The following SMARCA5 variants were observed in gnomAD, a reference collection of about 807,000 sequenced individuals.
SMARCA5 encodes SWI/SNF-related matrix-associated actin-dependent regulator of chromatin subfamily A member 5.
SMARCA5 carries 18 observed loss-of-function variants against 140.4 expected under a neutral mutation model. The observed-to-expected ratio is 0.13, with a 90% CI of 0.09 to 0.19. The LOEUF (loss-of-function observed/expected upper bound fraction) is 0.19. Among genes scored for constraint, SMARCA5 ranks in the 10% least tolerant of loss-of-function variants. The probability of loss-of-function intolerance (pLI) is 1.00; values close to 1 mark genes in which losing one functional copy is unlikely to be tolerated. For missense variants in SMARCA5, 606 were observed against 1,276.8 expected (o/e 0.47, Z 8.01); for synonymous variants, 449 against 419.6 (o/e 1.07, Z -0.86).
chr4:143,547,060 TC>T (rs1737539148), intron 20 of SMARCA5, 152 bp downstream of exon 20: 1 of 801,906 alleles, frequency 1.2e-6, no homozygotes, highest in Non-Finnish European at 1.8e-6. Context: ...ATGTTCTGTT[TC>T]CAGAAATGGC....
chr4:143,524,626 G>T (rs549931574), intron 4 of SMARCA5, among the ~76,000 whole-genome samples, 159 bp downstream of exon 4: 2 of 152,282 alleles, frequency 1.3e-5, no homozygotes, highest in South Asian at 2.1e-4. Context: ...ATGGAGATGA[G>T]AGCATATTAC....
chr4:143,554,805 A>G lies in SMARCA5; in HGVS notation c.*1621A>G, dbSNP rs891215023. ...AAAAATGTAAGGCTGAAGAAAACTT[A>G]CGGAGGTCACAAAAGTGATGTTTTC... is the stretch of plus-strand genomic sequence containing the variant. On this transcript the variant is annotated 3_prime_UTR_variant, in exon 24 of 24. Transcript: ENST00000283131. The G allele has an allele frequency of 5.4e-6, 1 of 186,642 alleles. No homozygotes were observed. The highest frequency in any genetic ancestry group is 2.4e-5 in the African/African-American group (1 of 41,952). The allele number at this position is 186,642 out of a possible 1,614,324, so 11.6% of individuals were successfully genotyped here.
At chr4:143,532,285 A>G (rs973315443) in intron 9 of SMARCA5, among the ~76,000 whole-genome samples, 15 of 152,180 alleles carry the variant, frequency 9.9e-5, no homozygotes, top group African/African-American at 3.4e-4. Context: ...TGTGGAGTGT[A>G]TATGTAATCT....
rs1737684973 is a variant in SMARCA5 at position 143,553,443 on chromosome 4, A to T, written c.*259A>T. 3.0e-6 allele frequency: 1 copy of T among 328,660 alleles called. No homozygotes were observed. The highest frequency in any genetic ancestry group is 2.1e-5 in the African/African-American group (1 of 47,184). 20.4% of individuals were successfully genotyped at this position (328,660 alleles called of 1,614,324 possible). A position where few individuals can be genotyped will look rare whatever the true frequency, so the allele number is the denominator to read the frequency against. ...AGTGTTTCATTTGATTTATTTTTCT[A>T]TTGTAGTTCCATTTGTGAAGATTGT... is the stretch of plus-strand genomic sequence containing the variant. On this transcript the variant is annotated 3_prime_UTR_variant, in exon 24 of 24. Coordinates refer to ENST00000283131, the MANE Select transcript of SMARCA5 (RefSeq NM_003601.4).
At chr4:143,516,394 A>G (rs931543740) in intron 1 of SMARCA5, among the ~76,000 whole-genome samples, 2 of 152,132 alleles carry the variant, frequency 1.3e-5, no homozygotes, top group Non-Finnish European at 2.9e-5. Flanking sequence ...GATTGATTAA[A>G]TAGTCACCTG....
chr4:143,538,838 T>C lies in SMARCA5; in HGVS notation c.1670T>C (p.Leu557Ser). Reference protein sequence around the residue: ...EPNSTKFVFMLSTRAGGLGIN... With the variant: ...EPNSTKFVFMSSTRAGGLGIN... ...AACAGCACAAAGTTTGTTTTCATGT[T>C]AAGCACGCGTGCTGGTGGTCTTGGC... The change falls in exon 13 of 24, where the codon TTA becomes TCA. Residue 557 changes from leucine (L) to serine (S), a missense_variant. By Grantham distance (145) the Leu-to-Ser change is moderately radical. Around this residue, in one of 10 missense-constraint regions of SMARCA5, gnomAD observed 68 missense variants for 126.9 expected, o/e 0.54. Transcript: ENST00000283131. 6.2e-7 allele frequency: 1 copy of C among 1,614,090 alleles called. No individual in the cohort carries two copies. Among genetic ancestry groups the C allele is most frequent in the Non-Finnish European group, 8.5e-7 (1 of 1,179,958 alleles).
intron 21 of SMARCA5, among the ~76,000 whole-genome samples, 186 bp downstream of exon 21, chr4:143,547,689 G>T (rs1038851533): frequency 1.3e-5 from 2 of 152,022 alleles, no homozygotes; most frequent in African/African-American, 4.8e-5. Flanking sequence ...CTGAGTCAAA[G>T]ACACTAAGAT....
At chr4:143,537,749 T>TA (rs1457740564) in intron 11 of SMARCA5, among the ~76,000 whole-genome samples, 1 of 152,000 alleles carries the variant, frequency 6.6e-6, no homozygotes, top group Non-Finnish European at 1.5e-5. Context: ...ACCCTGTCTC[T>TA]ATCAAAAATA....
chr4:143,521,591 G>A lies in SMARCA5; in HGVS notation c.415G>A (p.Gly139Ser). Residue 139 changes from glycine to serine, a missense_variant, in exon 3 of 24, where the codon GGC (glycine) becomes AGC (serine). Transcript: ENST00000283131. ...KDEKQNLLSV[G>S]DYRHRRTEQE... is the part of the protein sequence containing the mutation. Reference sequence around the variant, plus strand: ...TGAGAAGCAGAACTTACTATCCGTTGGCGAGTGAGTAATAGTTTAAACTTC... The same window carrying A: ...TGAGAAGCAGAACTTACTATCCGTTAGCGAGTGAGTAATAGTTTAAACTTC... 3 of 1,609,764 alleles carry A rather than the reference G, an allele frequency of 1.9e-6. No homozygotes were observed. The highest frequency in any genetic ancestry group is 2.5e-6 in the Non-Finnish European group (3 of 1,178,384).
At chr4:143,516,798 A>G (rs937735329) in intron 1 of SMARCA5, among the ~76,000 whole-genome samples, 3 of 152,172 alleles carry the variant, frequency 2.0e-5, no homozygotes, top group Non-Finnish European at 2.9e-5. Flanking sequence ...TGACATATGA[A>G]TGTCAGGATA....
intron 8 of SMARCA5, among the ~76,000 whole-genome samples, chr4:143,529,851 T>TGTTTTTG (rs1737150470): frequency 6.6e-6 from 1 of 152,262 alleles, no homozygotes; most frequent in Non-Finnish European, 1.5e-5. Context: ...TGTATTTTGA[T>TGTTTTTG]GTTTTTGAGA....
At chr4:143,515,864 G>C (rs939901139) in intron 1 of SMARCA5, among the ~76,000 whole-genome samples, 37 of 151,860 alleles carry the variant, frequency 2.4e-4, no homozygotes, top group East Asian at 1.9e-4. Context: ...CATATTTGGC[G>C]GTTCAATTTA....
At position 143,557,295 on chromosome 4, in the gene SMARCA5, T is replaced by C. The variant is rs1477464174; in HGVS notation, c.*4111T>C. 1 of 152,226 alleles carries C rather than the reference T, an allele frequency of 6.6e-6. No individual in the cohort carries two copies. The highest frequency in any genetic ancestry group is 2.1e-4 in the South Asian group (1 of 4,834). The allele number at this position is 152,226 out of a possible 1,614,324, so 9.4% of individuals were successfully genotyped here. A position where few individuals can be genotyped will look rare whatever the true frequency, so the allele number is the denominator to read the frequency against. On this transcript the variant is annotated 3_prime_UTR_variant, in exon 24 of 24. Coordinates refer to ENST00000283131, the MANE Select transcript of SMARCA5 (RefSeq NM_003601.4). ...GTTGGAAACTTTGTAATATAAACAA[T>C]GTAAACACTACATTGACAAAAATAT...
intron 8 of SMARCA5, 114 bp downstream of exon 8, chr4:143,528,828 T>C: frequency 1.1e-6 from 1 of 870,534 alleles, no homozygotes. Flanking sequence ...ATTAATTTTT[T>C]ATGCTTTTAT....
rs747679400 is a variant in SMARCA5 at position 143,517,527 on chromosome 4, A to G, written c.252+98A>G. ...ATCTTAGTCCATTTTGTGTTACAAC[A>G]ATACCACAGACTGGGTAATTTATAA... is the stretch of plus-strand genomic sequence containing the variant. On this transcript the variant is annotated intron_variant, in intron 2 of 23. Coordinates refer to ENST00000283131, the MANE Select transcript of SMARCA5 (RefSeq NM_003601.4). 428 of 661,102 alleles carry G rather than the reference A, an allele frequency of 6.5e-4. 4 individuals are homozygous for G. The highest frequency in any genetic ancestry group is 9.9e-4 in the Non-Finnish European group (402 of 404,970). 41.0% of individuals were successfully genotyped at this position (661,102 alleles called of 1,614,324 possible).
intron 9 of SMARCA5, among the ~76,000 whole-genome samples, chr4:143,533,041 T>C (rs1737227433): frequency 6.6e-6 from 1 of 152,210 alleles, no homozygotes; most frequent in Non-Finnish European, 1.5e-5. Context: ...AAAACCAGTG[T>C]AAATAGAACA....
At chr4:143,519,230 ATACCT>A (rs1736906501) in intron 2 of SMARCA5, among the ~76,000 whole-genome samples, 1 of 152,154 alleles carries the variant, frequency 6.6e-6, no homozygotes, top group African/African-American at 2.4e-5. Context: ...TTTACTTAGC[ATACCT>A]TAGTGTTACC....
intron 1 of SMARCA5, 180 bp downstream of exon 1, chr4:143,514,281 G>C: frequency 1.8e-6 from 1 of 569,058 alleles, no homozygotes; most frequent in Non-Finnish European, 3.0e-6. Context: ...CCCTATTCGA[G>C]CTAAGCAAAA....
intron 2 of SMARCA5, among the ~76,000 whole-genome samples, chr4:143,520,067 C>T (rs1736925621): frequency 6.6e-6 from 1 of 152,132 alleles, no homozygotes; most frequent in Non-Finnish European, 1.5e-5. Context: ...GGTTCCTAAT[C>T]ATACTCTCTT....
Sources: gnomAD v4.1 joint callset for allele counts (sites outside exome capture counted in the v4.1 genomes callset) on GRCh38, gnomAD v4.1.1 for gene constraint, gnomAD v4.1.1 regional missense constraint, MANE v1.5 for transcripts, NCBI Gene and HGNC (gene_info 2026-07-23, HGNC 2026-07-21) for gene names.